MGST2: variants seen among roughly 807,000 people sequenced by gnomAD.
MGST2 encodes the protein microsomal glutathione S-transferase 2, also known as glutathione peroxidase MGST2.
A neutral mutation model predicts 16.6 loss-of-function variants in MGST2; 9 were observed. The ratio of observed to expected loss-of-function variants is 0.54; its 90% CI spans 0.33 to 0.95. The LOEUF is 0.95. Among genes scored for constraint, MGST2 ranks in the 40% least tolerant of loss-of-function variants. MGST2 has a pLI of 0.03. For synonymous variants in MGST2, 79 were observed against 68.0 expected, an observed-to-expected ratio of 1.16 and a Z score of -0.79; for missense variants, 159 against 175.1, an observed-to-expected ratio of 0.91 and a Z score of 0.52.
intron 1 of MGST2, among the ~76,000 whole-genome samples, chr4:139,669,715 A>G (rs548394717): frequency 2.0e-5 from 3 of 152,366 alleles, no homozygotes; most frequent in South Asian, 2.1e-4. Context: ...CTGAACGTCA[A>G]CTGACAAAAG....
At chr4:139,746,599 C>T in the MGST2 span, among the ~76,000 whole-genome samples, 4 of 152,282 alleles carry the variant, frequency 2.6e-5, no homozygotes, top group African/African-American at 9.6e-5. Flanking sequence ...CCATCTGTCT[C>T]TCTCGCTCTG....
intron 3 of MGST2, chr4:139,698,145 T>A (rs1244629572): frequency 1.3e-6 from 2 of 1,528,532 alleles, no homozygotes; most frequent in African/African-American, 2.7e-5. Context: ...AGTGGATTCT[T>A]AAGCACGTTC....
At chr4:139,672,399 T>A (rs533172502) in intron 1 of MGST2, among the ~76,000 whole-genome samples, 1 of 152,248 alleles carries the variant, frequency 6.6e-6, no homozygotes, top group South Asian at 2.1e-4. Context: ...TCCCCCTCAA[T>A]GGACAAATCC....
chr4:139,686,088 A>G (rs56037640), intron 2 of MGST2, among the ~76,000 whole-genome samples: 24,387 of 152,260 alleles, frequency 0.16, 2,308 homozygotes, highest in Non-Finnish European at 0.21. Context: ...TTAGGGAGAT[A>G]TGAAACTTCA....
In MGST2 at chr4:139,665,884, T is replaced by C; in HGVS notation, c.-136T>C. 2 of 834,082 alleles carry C rather than the reference T, an allele frequency of 2.4e-6. No individual in the cohort carries two copies. Among genetic ancestry groups the C allele is most frequent in the Non-Finnish European group, 4.0e-6 (2 of 495,076 alleles). 51.7% of individuals were successfully genotyped at this position (834,082 alleles called of 1,614,324 possible). A position where few individuals can be genotyped will look rare whatever the true frequency, so the allele number is the denominator to read the frequency against. Reference sequence around the variant, plus strand: ...CCTGACTTCTGTTCCAGAGCAAAGGTCATTCAGCCGCTTGAATCAGCCTTT... The same window carrying C: ...CCTGACTTCTGTTCCAGAGCAAAGGCCATTCAGCCGCTTGAATCAGCCTTT... On this transcript the variant is annotated 5_prime_UTR_variant, in exon 1 of 5. Coordinates refer to ENST00000265498, the MANE Select transcript of MGST2 (RefSeq NM_002413.5).
intron 2 of MGST2, among the ~76,000 whole-genome samples, chr4:139,684,515 C>T (rs1429801901): frequency 2.6e-5 from 4 of 152,186 alleles, no homozygotes; most frequent in African/African-American, 9.7e-5. Flanking sequence ...TAATTCTCAA[C>T]TGGCTGTTAA....
chr4:139,678,574 A>T lies in MGST2; in HGVS notation c.90A>T (p.Arg30Ser). ...SYFALQVGKA[R>S]LKYKVTPPAV... ...TTGCTTTGCAAGTTGGAAAGGCAAG[A>T]TTAAAATACAAAGTTACGCCCCCAG... Residue 30 changes from arginine to serine, a missense_variant, in exon 2 of 5, where the codon AGA (arginine) becomes AGT (serine). By Grantham distance (110) the Arg-to-Ser change is moderately radical. Transcript: ENST00000265498. 1.9e-6 allele frequency: 3 copies of T among 1,614,128 alleles called. No homozygotes were observed. The African/African-American group carries it at 4.0e-5, about 22-fold the overall frequency.
Position 139,715,599 on chromosome 4 carries a change from T to A in MGST2, c.*48+11403T>A, listed in dbSNP as rs539410304. ...GAGCAGCCCCGAGGGCTGCTGGTTGTCCATTTTTATGGTTATCTCTTGATG... is the reference window on the plus strand; with the variant it reads ...GAGCAGCCCCGAGGGCTGCTGGTTGACCATTTTTATGGTTATCTCTTGATG... On this transcript the variant is annotated intron_variant, in intron 5 of 5. Transcript: ENST00000616265. This position sits in a 1 kb window ranked among gnomAD's most constrained non-coding sequence, Gnocchi z 4.4. Among the ~76,000 whole-genome samples, 11 of 152,322 alleles carry A rather than the reference T, an allele frequency of 7.2e-5. No homozygotes were observed. In the East Asian group the frequency reaches 1.9e-3, roughly 27 times the overall value.
At chr4:139,683,566 G>GT (rs991064825) in intron 2 of MGST2, among the ~76,000 whole-genome samples, 5 of 152,094 alleles carry the variant, frequency 3.3e-5, no homozygotes, top group Admixed American at 3.3e-4. Flanking sequence ...ACACCTCCAA[G>GT]TAGAGAGGCA....
At chr4:139,718,152 T>C (rs1255696012) in intron 5 of MGST2, 1 of 152,130 alleles carries the variant, frequency 6.6e-6, no homozygotes, top group Non-Finnish European at 1.5e-5. Context: ...CACTCCTTCC[T>C]GGGGATATCA....
Position 139,715,428 on chromosome 4 carries a change from A to G in MGST2, c.*48+11232A>G, listed in dbSNP as rs149382722. ...CAGAAATATGTTGCAGGACAGAGAA[A>G]TGTGTTACAGGAAAGGGGTCCTGAT... On this transcript the variant is annotated intron_variant, in intron 5 of 5. Transcript: ENST00000616265. This position sits in a 1 kb window ranked among gnomAD's most constrained non-coding sequence, Gnocchi z 4.4. 4.6e-5 allele frequency among the ~76,000 whole-genome samples: 7 copies of G among 152,272 alleles called. 1 individual carries two copies. In the East Asian group the frequency reaches 1.4e-3, roughly 29 times the overall value.
chr4:139,673,249 G>A (rs8192039), intron 1 of MGST2, among the ~76,000 whole-genome samples: 2,964 of 152,170 alleles, frequency 0.019, 104 homozygotes, highest in African/African-American at 0.067. Context: ...CCAACTGAAC[G>A]TGGGTCCATT....
intron 2 of MGST2, among the ~76,000 whole-genome samples, chr4:139,692,209 T>C (rs1726652120): frequency 6.6e-6 from 1 of 152,218 alleles, no homozygotes; most frequent in Non-Finnish European, 1.5e-5. Context: ...TACAGAGATA[T>C]GGTGCTGAGC....
At chr4:139,666,210 C>A in intron 1 of MGST2, 133 bp downstream of exon 1, 1 of 910,128 alleles carries the variant, frequency 1.1e-6, no homozygotes, top group Non-Finnish European at 1.8e-6. Context: ...TTGCAGGTAG[C>A]TCTGGGTCCT....
rs899607209 is a variant in MGST2, at chr4:139,735,616, G to A, written c.*49-4596G>A. On this transcript the variant is annotated intron_variant, in intron 5 of 5. Transcript: ENST00000616265. This position sits in a 1 kb window ranked among gnomAD's most constrained non-coding sequence, Gnocchi z 5.8. ...GGCCCGGCACCGCTGCTTCGGCTCA[G>A]AGTCCTTGCAATCGCTTGGCCTACG... Among the ~76,000 whole-genome samples the A allele has an allele frequency of 1.3e-5, 2 of 152,202 alleles. No individual in the cohort carries two copies. Among genetic ancestry groups the A allele is most frequent in the African/African-American group, 4.8e-5 (2 of 41,450 alleles).
At chr4:139,741,099 T>C (rs547748923), downstream of MGST2, among the ~76,000 whole-genome samples, 28 of 152,096 alleles carry the variant, frequency 1.8e-4, no homozygotes, top group South Asian at 1.3e-3. Context: ...TTCCTATGAG[T>C]AGAAGCCTGC....
chr4:139,704,301 A>G, downstream of MGST2: 1 of 1,034,814 alleles, frequency 9.7e-7, no homozygotes, highest in Admixed American at 2.2e-5. Flanking sequence ...CCTGTTTAAG[A>G]ACTGAAATTT....
At chr4:139,709,071 ATTTTTTTTTTTTTTT>A (rs377191495), downstream of MGST2, among the ~76,000 whole-genome samples, 4 of 82,026 alleles carry the variant, frequency 4.9e-5, no homozygotes, top group African/African-American at 1.4e-4. Context: ...AATGGAAAAA[ATTTTTTTTTTTTTTT>A]TTTTTTTTTT....
Position 139,684,737 on chromosome 4 carries a change from A to T in MGST2, c.158+6095A>T, listed in dbSNP as rs8192076. 4.9e-3 allele frequency among the ~76,000 whole-genome samples: 749 copies of T among 152,314 alleles called. 8 individuals are homozygous for T. Among genetic ancestry groups the T allele is most frequent in the South Asian group, 0.025 (120 of 4,828 alleles). On this transcript the variant is annotated intron_variant, in intron 2 of 4. Coordinates refer to ENST00000265498, the MANE Select transcript of MGST2 (RefSeq NM_002413.5). ...TAGGATAATAGGCCTGACTTTTGAG[A>T]GTGCAGTAGTAAAGACAGGAAGGTT...
Sources: allele counts gnomAD v4.1 joint callset (sites outside exome capture counted in the v4.1 genomes callset), GRCh38; gene constraint gnomAD v4.1.1; non-coding constraint Gnocchi (gnomAD v3.1); transcripts MANE v1.5; gene names NCBI Gene and HGNC (gene_info 2026-07-23, HGNC 2026-07-21).